SFXN1: variants seen among roughly 807,000 people sequenced by gnomAD.
SFXN1 encodes sideroflexin-1.
Under a neutral mutation model 39.5 loss-of-function variants are expected in SFXN1, and 32 were observed. The ratio of observed to expected loss-of-function variants is 0.81; its 90% CI spans 0.61 to 1.09. The LOEUF is 1.09. Among genes scored for constraint, SFXN1 ranks in the 50% least tolerant of loss-of-function variants. SFXN1 has a pLI of 0.00. For synonymous variants in SFXN1, 136 were observed against 146.5 expected, an observed-to-expected ratio of 0.93 and a Z score of 0.52; for missense variants, 402 against 407.1, an observed-to-expected ratio of 0.99 and a Z score of 0.11.
chr5:175,509,441 G>T, intron 3 of SFXN1: 1 of 293,710 alleles, frequency 3.4e-6, no homozygotes. Context: ...CAAAAAATGG[G>T]GTATTATTGA....
chr5:175,494,650 G>A (rs142675309), intron 2 of SFXN1, among the ~76,000 whole-genome samples: 282 of 152,042 alleles, frequency 1.9e-3, no homozygotes, highest in African/African-American at 5.8e-3. Flanking sequence ...TACTTGTGTG[G>A]CAGAGACAGG....
At position 175,525,241 on chromosome 5, in the gene SFXN1, G is replaced by C. The variant is rs1178112035; in HGVS notation, c.873-1397G>C. Among the ~76,000 whole-genome samples, 4 of 152,316 alleles carry C rather than the reference G, an allele frequency of 2.6e-5. No individual in the cohort carries two copies. In the East Asian group the frequency reaches 7.7e-4, roughly 29 times the overall value. ...CAGTGGCAAAACAGAAAGACCAAGA[G>C]GTGGTATAGCAGGGCTTTGGGATCA... is the stretch of plus-strand genomic sequence containing the variant. On this transcript the variant is annotated intron_variant, in intron 10 of 10. Transcript: ENST00000321442.
chr5:175,510,290 C>G (rs1760468392), intron 4 of SFXN1, 83 bp downstream of exon 4: 1 of 1,079,084 alleles, frequency 9.3e-7, no homozygotes, highest in African/African-American at 1.6e-5. Flanking sequence ...TTTAAAAAAG[C>G]CTATGTGTGC....
At chr5:175,509,295 A>G (rs958684287) in intron 3 of SFXN1, 93 bp downstream of exon 3, 1 of 1,281,956 alleles carries the variant, frequency 7.8e-7, no homozygotes, top group East Asian at 2.5e-5. Flanking sequence ...AATAAGTATT[A>G]TTTCATAAGT....
intron 2 of SFXN1, among the ~76,000 whole-genome samples, chr5:175,507,811 A>C (rs1354383544): frequency 2.0e-5 from 3 of 152,110 alleles, no homozygotes; most frequent in Non-Finnish European, 4.4e-5. Context: ...TGTCTACAAA[A>C]AATGCAAAAA....
At position 175,511,442 on chromosome 5, in the gene SFXN1, T is replaced by C. The variant is rs573752807; in HGVS notation, c.435-9T>C. 45 of 1,613,628 alleles carry C rather than the reference T, an allele frequency of 2.8e-5. 1 individual carries two copies. In the South Asian group the frequency reaches 4.7e-4, roughly 17 times the overall value. On this transcript the variant is annotated splice_polypyrimidine_tract_variant and intron_variant, in intron 4 of 10. Coordinates refer to ENST00000321442, the MANE Select transcript of SFXN1 (RefSeq NM_022754.7). ...TCGTCGTCCACACGATATCCTTTTT[T>C]CTTTTCAGTGAGTTGGGAACAGCTT...
At chr5:175,513,295 GTAAAA>G (rs1561671461) in intron 6 of SFXN1, among the ~76,000 whole-genome samples, 163 bp from the exon 7 acceptor site, 1 of 42,926 alleles carries the variant, frequency 2.3e-5, no homozygotes, top group African/African-American at 1.2e-4. Flanking sequence ...GAGTGAGACT[GTAAAA>G]AAAAAAAAAA....
rs1484654384 is a variant in SFXN1 at position 175,527,899 on chromosome 5, C to G, written c.*1165C>G. 1 of 151,260 alleles carries G rather than the reference C, an allele frequency of 6.6e-6. No homozygotes were observed. The highest frequency in any genetic ancestry group is 2.4e-5 in the African/African-American group (1 of 40,912). The allele number at this position is 151,260 out of a possible 1,614,324, so 9.4% of individuals were successfully genotyped here. ...TGAGCTCTATATCTGTGAATTCAAC[C>G]AAGTTTGGATGGAAAATTTTTTTTT... On this transcript the variant is annotated 3_prime_UTR_variant, in exon 11 of 11. Transcript: ENST00000321442.
intron 8 of SFXN1, among the ~76,000 whole-genome samples, chr5:175,518,548 G>T (rs2113353396): frequency 6.6e-6 from 1 of 152,266 alleles, no homozygotes; most frequent in Admixed American, 6.5e-5. Context: ...TAAAGTTTGG[G>T]GCACAGAGGG....
At chr5:175,518,403 G>C (rs1356617300) in intron 8 of SFXN1, among the ~76,000 whole-genome samples, 1 of 152,098 alleles carries the variant, frequency 6.6e-6, no homozygotes, top group East Asian at 1.9e-4. Flanking sequence ...GCAGCCCTTT[G>C]CTGAATGCTT....
chr5:175,496,855 G>C (rs1488526899), intron 2 of SFXN1, among the ~76,000 whole-genome samples: 3 of 151,426 alleles, frequency 2.0e-5, no homozygotes, highest in East Asian at 1.9e-4. Context: ...TTCCAAATTA[G>C]CTTTGGGGTA....
chr5:175,506,421 T>C (rs1760300199), intron 2 of SFXN1, among the ~76,000 whole-genome samples: 1 of 152,224 alleles, frequency 6.6e-6, no homozygotes. Flanking sequence ...AGAAAAAAGA[T>C]AGAAGACATA....
At chr5:175,487,563 T>C (rs1759497121) in intron 1 of SFXN1, among the ~76,000 whole-genome samples, 1 of 152,202 alleles carries the variant, frequency 6.6e-6, no homozygotes, top group Admixed American at 6.5e-5. Flanking sequence ...CCCACTTTGC[T>C]GTGCCTTCAG....
chr5:175,503,990 T>G (rs1581293707), intron 2 of SFXN1, among the ~76,000 whole-genome samples: 2 of 108,554 alleles, frequency 1.8e-5, no homozygotes, highest in East Asian at 2.6e-4. Context: ...GAAACAAGAG[T>G]GACACTCCAT....
chr5:175,502,666 C>T (rs1760127182), intron 2 of SFXN1, among the ~76,000 whole-genome samples: 1 of 151,834 alleles, frequency 6.6e-6, no homozygotes, highest in Non-Finnish European at 1.5e-5. Flanking sequence ...ATGGAGAAAC[C>T]ATGTCTCTAC....
In SFXN1 at chr5:175,527,915, A is replaced by ATTTTTTTT. The variant is rs879019439; in HGVS notation, c.*1196_*1203dup. On this transcript the variant is annotated 3_prime_UTR_variant, in exon 11 of 11. Coordinates refer to ENST00000321442, the MANE Select transcript of SFXN1 (RefSeq NM_022754.7). ...GAATTCAACCAAGTTTGGATGGAAA[A>ATTTTTTTT]TTTTTTTTTTTTTTTTTTTTTTGAG... is the stretch of plus-strand genomic sequence containing the variant. The ATTTTTTTT allele has an allele frequency of 8.2e-6, 1 of 121,226 alleles. No individual in the cohort carries two copies. The highest frequency in any genetic ancestry group is 1.6e-5 in the Non-Finnish European group (1 of 60,646). 7.5% of individuals were successfully genotyped at this position (121,226 alleles called of 1,614,324 possible).
chr5:175,496,564 A>C (rs534129568), intron 2 of SFXN1, among the ~76,000 whole-genome samples: 2 of 152,330 alleles, frequency 1.3e-5, no homozygotes, highest in African/African-American at 4.8e-5. Context: ...TAGAATATGC[A>C]TGAACAGAAA....
intron 10 of SFXN1, chr5:175,523,820 A>G (rs1760951286): frequency 6.6e-6 from 1 of 152,054 alleles, no homozygotes; most frequent in African/African-American, 2.4e-5. Context: ...GTATTTTAAA[A>G]TAGCTTCTTA....
Position 175,510,123 on chromosome 5 carries a change from T to C in SFXN1, c.350T>C (p.Val117Ala). Residue 117 changes from valine (V) to alanine (A), a missense_variant, in exon 4 of 11, where the codon GTG (valine) becomes GCG (alanine). Physicochemically the swap from Val to Ala is moderately conservative, Grantham distance 64. Transcript: ENST00000321442. Reference sequence around the variant, plus strand: ...CTCTGTTTTAGGACTACGCCGGCTGTGCTGTTCTGGCAGTGGATTAACCAG... The same window carrying C: ...CTCTGTTTTAGGACTACGCCGGCTGCGCTGTTCTGGCAGTGGATTAACCAG... ...MMTFYRTTPA[V>A]LFWQWINQSF... 6.2e-7 allele frequency: 1 copy of C among 1,612,718 alleles called. No individual in the cohort carries two copies. The highest frequency in any genetic ancestry group is 2.2e-5 in the East Asian group (1 of 44,876).
Sources: allele counts gnomAD v4.1 joint callset (sites outside exome capture counted in the v4.1 genomes callset), GRCh38; gene constraint gnomAD v4.1.1; transcripts MANE v1.5; gene names NCBI Gene and HGNC (gene_info 2026-07-23, HGNC 2026-07-21).